COL6A5: variants seen among roughly 807,000 people sequenced by gnomAD.
COL6A5 encodes collagen alpha-5(VI) chain.
Under a neutral mutation model 65.6 loss-of-function variants are expected in COL6A5, and 48 were observed. The ratio of observed to expected loss-of-function variants is 0.73; its 90% CI spans 0.58 to 0.93. The LOEUF (loss-of-function observed/expected upper bound fraction) is 0.93. Among genes scored for constraint, COL6A5 ranks in the 40% least tolerant of loss-of-function variants. The probability of loss-of-function intolerance (pLI) is 0.00; values close to 1 mark genes in which losing one functional copy is unlikely to be tolerated. For synonymous variants in COL6A5, 291 were observed against 322.8 expected (o/e 0.90, Z 1.05); for missense variants, 914 against 928.3 (o/e 0.98, Z 0.20).
intron 13 of COL6A5, among the ~76,000 whole-genome samples, chr3:130,404,489 A>C (rs1559883211): frequency 6.6e-6 from 1 of 152,200 alleles, no homozygotes; most frequent in Non-Finnish European, 1.5e-5. Context: ...ATCTGTAAGC[A>C]ATTATAAGTT....
intron 5 of COL6A5, among the ~76,000 whole-genome samples, chr3:130,459,395 G>A (rs1000030150): frequency 6.6e-6 from 1 of 152,052 alleles, no homozygotes; most frequent in Non-Finnish European, 1.5e-5. Flanking sequence ...GAACTGGAAG[G>A]GTATTAGTGA....
intron 1 of COL6A5, among the ~76,000 whole-genome samples, chr3:130,362,302 ATATATATATATATATATATATATATTT>A (rs1280118399): frequency 1.9e-3 from 2 of 1,040 alleles, no homozygotes; most frequent in African/African-American, 3.9e-3. Flanking sequence ...ATATATATAT[ATATATATATATATATATATATATATTT>A]TTTTTTTTTT....
At chr3:130,432,031 T>G (rs1350516982) in intron 1 of COL6A5, 82 bp downstream of exon 33, 1 of 1,393,954 alleles carries the variant, frequency 7.2e-7, no homozygotes, top group Admixed American at 2.5e-5. Context: ...TGGTAGAGAG[T>G]CAAGAAATAT....
rs534386890 is a variant in COL6A5, at chr3:130,423,732, A to G, written c.5101-106A>G. 38 of 722,294 alleles carry G rather than the reference A, an allele frequency of 5.3e-5. No homozygotes were observed. In the Admixed American group the frequency reaches 9.7e-4, roughly 18 times the overall value. The allele number at this position is 722,294 out of a possible 1,614,324, so 44.7% of individuals were successfully genotyped here. On this transcript the variant is annotated intron_variant and NMD_transcript_variant, in intron 28 of 41. Transcript: ENST00000312481. Reference sequence around the variant, plus strand: ...TACCTGACTTCAATTAATAGCTGCTATCTTTTTAAAATTTTTTTTAAAATT... The same window carrying G: ...TACCTGACTTCAATTAATAGCTGCTGTCTTTTTAAAATTTTTTTTAAAATT...
intron 3 of COL6A5, among the ~76,000 whole-genome samples, chr3:130,441,041 C>T (rs1709170087): frequency 6.6e-6 from 1 of 152,026 alleles, no homozygotes; most frequent in African/African-American, 2.4e-5. Context: ...GATAGTGTGT[C>T]TTTTAGCCAA....
intron 1 of COL6A5, among the ~76,000 whole-genome samples, chr3:130,365,021 A>G (rs1935280424): frequency 6.6e-6 from 1 of 152,172 alleles, no homozygotes; most frequent in Non-Finnish European, 1.5e-5. Context: ...TGATCTTGGG[A>G]TTCTTCTTCA....
At chr3:130,406,218 T>C (rs1465894880) in intron 16 of COL6A5, 43 bp downstream of exon 16, 26 of 1,549,024 alleles carry the variant, frequency 1.7e-5, no homozygotes, top group Non-Finnish European at 2.2e-5. Context: ...GTCATGAGGT[T>C]GCTAAAATTT....
chr3:130,394,763 GTTAAC>G (rs765475990), intron 7 of COL6A5, 122 bp from the exon 8 acceptor site: 26 of 667,458 alleles, frequency 3.9e-5, no homozygotes, highest in Non-Finnish European at 6.2e-5. Flanking sequence ...TCTCTCTCTT[GTTAAC>G]TTATCTCAAT....
In COL6A5 at chr3:130,398,128, G is replaced by GTTGT; in HGVS notation, c.3991+19_3991+20insGTTT. On this transcript the variant is annotated intron_variant and NMD_transcript_variant, in intron 10 of 41. Coordinates refer to the COL6A5 transcript ENST00000312481. ...GAGAAGCAGGTATTGAGTTGTTGTT[G>GTTGT]TTTTTTTTTTTTTTTTTTTTGAGAT... 1.1e-6 allele frequency: 1 copy of GTTGT among 906,626 alleles called. No homozygotes were observed. Among genetic ancestry groups the GTTGT allele is most frequent in the Non-Finnish European group, 1.5e-6 (1 of 648,688 alleles). The allele number at this position is 906,626 out of a possible 1,614,324, so 56.2% of individuals were successfully genotyped here. A position where few individuals can be genotyped will look rare whatever the true frequency, so the allele number is the denominator to read the frequency against.
chr3:130,435,168 T>C (rs1180620544), intron 1 of COL6A5, among the ~76,000 whole-genome samples: 1 of 152,180 alleles, frequency 6.6e-6, no homozygotes, highest in African/African-American at 2.4e-5. Flanking sequence ...GGCGAGCCAG[T>C]TTTCCCAGCA....
rs1008970264 is a variant in COL6A5, at chr3:130,469,064, C to T, written c.1816C>T (p.Pro606Ser). 13 of 1,612,830 alleles carry T rather than the reference C, an allele frequency of 8.1e-6. No individual in the cohort carries two copies. Among genetic ancestry groups the T allele is most frequent in the Non-Finnish European group, 1.0e-5 (12 of 1,179,432 alleles). ...CTATATGCCTAACACTGAAGAATGC[C>T]CTGTCTACCTGGAATTTGATTTGGT... The change falls in exon 6 of 8, where the codon CCT becomes TCT. Residue 606 changes from proline (P) to serine (S), a missense_variant. By Grantham distance (74) the Pro-to-Ser change is moderately conservative. Transcript: ENST00000512836.
intron 3 of COL6A5, among the ~76,000 whole-genome samples, chr3:130,442,614 G>A (rs1709212028): frequency 6.6e-6 from 1 of 152,144 alleles, no homozygotes; most frequent in South Asian, 2.1e-4. Context: ...TTATGGGAAT[G>A]TTTTCAAACT....
At chr3:130,426,541 T>G, upstream of COL6A5, 1 of 868,422 alleles carries the variant, frequency 1.2e-6, no homozygotes. Flanking sequence ...CTGGAGTGCC[T>G]ACTGTAGAAT....
At chr3:130,429,500 A>G, upstream of COL6A5, 1 of 1,343,374 alleles carries the variant, frequency 7.4e-7, no homozygotes, top group Non-Finnish European at 1.0e-6. Context: ...GCTTTGTTAA[A>G]ATGTTGTTTT....
exon 23 of COL6A5, chr3:130,415,651 C>T (rs1258687645): frequency 6.5e-7 from 1 of 1,548,120 alleles, no homozygotes; most frequent in East Asian, 2.4e-5. Flanking sequence ...AAAGGGGTCA[C>T]AGGGAAATCC....
intron 1 of COL6A5, among the ~76,000 whole-genome samples, chr3:130,367,584 A>C (rs908259270): frequency 2.0e-5 from 3 of 152,218 alleles, no homozygotes; most frequent in Non-Finnish European, 4.4e-5. Context: ...ACATGTAGGC[A>C]ACCAGATTTC....
intron 1 of COL6A5, among the ~76,000 whole-genome samples, chr3:130,362,791 C>T (rs1935190805): frequency 1.3e-5 from 2 of 152,290 alleles, no homozygotes; most frequent in African/African-American, 4.8e-5. Context: ...CTCTTTATCT[C>T]TGATAACTTC....
At chr3:130,448,530 A>G (rs570138915) in intron 4 of COL6A5, among the ~76,000 whole-genome samples, 2 of 152,304 alleles carry the variant, frequency 1.3e-5, no homozygotes, top group Admixed American at 1.3e-4. Context: ...TTTATCGACC[A>G]CCATTCCTAA....
At chr3:130,379,596 T>G in exon 4 of COL6A5, 2 of 1,551,464 alleles carry the variant, frequency 1.3e-6, no homozygotes, top group Non-Finnish European at 1.7e-6. Context: ...ACAGCAATAG[T>G]GCCAAGACTA....
Sources: gnomAD v4.1 joint callset for allele counts (sites outside exome capture counted in the v4.1 genomes callset) on GRCh38, gnomAD v4.1.1 for gene constraint, MANE v1.5 for transcripts, NCBI Gene and HGNC (gene_info 2026-07-23, HGNC 2026-07-21) for gene names.